CPED1: variants seen among roughly 807,000 people sequenced by gnomAD.
CPED1 encodes the protein cadherin-like and PC-esterase domain-containing protein 1.
A neutral mutation model predicts 128.2 loss-of-function variants in CPED1; 114 were observed. The ratio of observed to expected loss-of-function variants is 0.89; its 90% CI spans 0.76 to 1.04. The LOEUF is 1.04. CPED1 is among the 50% of genes least tolerant of loss of function. The pLI is 0.00. For synonymous variants in CPED1, 462 were observed against 426.7 expected, an observed-to-expected ratio of 1.08 and a Z score of -1.02; for missense variants, 1,211 against 1,207.1, an observed-to-expected ratio of 1.00 and a Z score of -0.05.
intron 16 of CPED1, among the ~76,000 whole-genome samples, chr7:121,189,488 G>A (rs1797078037): frequency 1.3e-5 from 2 of 151,536 alleles, no homozygotes; most frequent in Admixed American, 6.6e-5. Flanking sequence ...AACAGCAAGG[G>A]GGAAATCCAC....
intron 5 of CPED1, among the ~76,000 whole-genome samples, chr7:121,076,197 A>G (rs1275375024): frequency 6.6e-6 from 1 of 152,178 alleles, no homozygotes; most frequent in Non-Finnish European, 1.5e-5. Context: ...TGATTTCTCT[A>G]TGTATGCATT....
At chr7:121,149,934 A>G (rs553203040) in intron 16 of CPED1, among the ~76,000 whole-genome samples, 3 of 152,202 alleles carry the variant, frequency 2.0e-5, no homozygotes, top group Admixed American at 6.5e-5. Context: ...TCTTTTATCT[A>G]TCTTTCTTCA....
intron 3 of CPED1, among the ~76,000 whole-genome samples, chr7:121,025,638 T>C (rs1792558758): frequency 6.6e-6 from 1 of 152,176 alleles, no homozygotes; most frequent in African/African-American, 2.4e-5. Flanking sequence ...ACCTCCTGAA[T>C]GATGCCTTAA....
chr7:121,268,464 CAGA>C (rs1159763994), intron 21 of CPED1, among the ~76,000 whole-genome samples: 1 of 151,890 alleles, frequency 6.6e-6, no homozygotes, highest in Non-Finnish European at 1.5e-5. Context: ...TGAGTGAAGA[CAGA>C]AGGAGAAAAG....
intron 18 of CPED1, among the ~76,000 whole-genome samples, chr7:121,259,097 T>A (rs1562853968): frequency 6.6e-6 from 1 of 152,076 alleles, no homozygotes; most frequent in South Asian, 2.1e-4. Context: ...GTTGTTATTG[T>A]GACCTTTTAT....
At chr7:121,284,466 C>A (rs1792524399) in intron 22 of CPED1, among the ~76,000 whole-genome samples, 1 of 152,098 alleles carries the variant, frequency 6.6e-6, no homozygotes, top group African/African-American at 2.4e-5. Flanking sequence ...ACCCAAAAGT[C>A]AAAGTCTAAA....
intron 3 of CPED1, among the ~76,000 whole-genome samples, chr7:121,034,267 A>AGATG (rs1792825105): frequency 3.9e-5 from 1 of 25,746 alleles, no homozygotes; most frequent in African/African-American, 1.5e-4. Flanking sequence ...TTTTTTTTTG[A>AGATG]GATGGAGTCT....
At chr7:121,034,955 T>C (rs1792847828) in intron 3 of CPED1, among the ~76,000 whole-genome samples, 2 of 152,262 alleles carry the variant, frequency 1.3e-5, no homozygotes, top group South Asian at 2.1e-4. Context: ...CAATTCTGAA[T>C]GTGGGGATCT....
At position 121,087,667 on chromosome 7, in the gene CPED1, GT is replaced by G. The variant is rs1306777472; in HGVS notation, c.617-10019del. Among the ~76,000 whole-genome samples the G allele has an allele frequency of 8.2e-4, 114 of 139,120 alleles. 1 individual carries two copies. Among genetic ancestry groups the G allele is most frequent in the African/African-American group, 2.8e-3 (99 of 35,732 alleles). The allele number at this position is 139,120 out of a possible 152,430, so 91.3% of individuals were successfully genotyped here. ...ATTCTTTCTTTTTCTTTTCTTTCCT[GT>G]TTTTTTTTTTTTGGCAGAGTCTTTC... On this transcript the variant is annotated intron_variant, in intron 5 of 22. Transcript: ENST00000310396.
chr7:121,043,722 C>A (rs1192547150), intron 3 of CPED1, among the ~76,000 whole-genome samples: 1 of 152,114 alleles, frequency 6.6e-6, no homozygotes, highest in Non-Finnish European at 1.5e-5. Context: ...CCAGTCACTG[C>A]CTTGTAGGAT....
intron 18 of CPED1, among the ~76,000 whole-genome samples, chr7:121,248,481 C>T (rs1388996292): frequency 1.3e-5 from 2 of 151,918 alleles, no homozygotes; most frequent in Admixed American, 1.3e-4. Context: ...TACAGAGGAG[C>T]CCTGTGGCTG....
intron 2 of CPED1, among the ~76,000 whole-genome samples, chr7:120,990,620 G>T (rs1194581064): frequency 6.6e-6 from 1 of 151,956 alleles, no homozygotes; most frequent in Non-Finnish European, 1.5e-5. Context: ...ACATAGTCAA[G>T]TGTAAAACAG....
At chr7:121,021,573 A>T (rs903469170) in intron 3 of CPED1, among the ~76,000 whole-genome samples, 1 of 152,158 alleles carries the variant, frequency 6.6e-6, no homozygotes, top group Admixed American at 6.5e-5. Flanking sequence ...GACGAGCTTA[A>T]CCACAATAAT....
At chr7:121,042,550 C>G (rs933602791) in intron 3 of CPED1, among the ~76,000 whole-genome samples, 1 of 152,148 alleles carries the variant, frequency 6.6e-6, no homozygotes, top group Non-Finnish European at 1.5e-5. Context: ...TTCTTTGTTG[C>G]TTCCCTGTTT....
intron 18 of CPED1, among the ~76,000 whole-genome samples, chr7:121,265,557 A>C (rs1399267337): frequency 6.6e-6 from 1 of 152,102 alleles, no homozygotes; most frequent in African/African-American, 2.4e-5. Context: ...TTGCAGCAAT[A>C]TTGTGTGTAG....
chr7:121,173,055 G>GT (rs1349762134), intron 16 of CPED1, among the ~76,000 whole-genome samples: 1 of 152,100 alleles, frequency 6.6e-6, no homozygotes, highest in Non-Finnish European at 1.5e-5. Flanking sequence ...GACCATTTTT[G>GT]TTGGGCAGCT....
intron 16 of CPED1, among the ~76,000 whole-genome samples, chr7:121,222,865 A>G (rs546094948): frequency 1.4e-4 from 22 of 152,290 alleles, no homozygotes; most frequent in Middle Eastern, 3.4e-3. Flanking sequence ...GGCTGAGACA[A>G]TGGGGTTTTC....
chr7:121,011,132 G>A (rs10258025), intron 2 of CPED1, among the ~76,000 whole-genome samples: 3 of 151,842 alleles, frequency 2.0e-5, no homozygotes. Context: ...TACTATATGA[G>A]TTGTATTTGA....
intron 4 of CPED1, among the ~76,000 whole-genome samples, chr7:121,060,238 T>G (rs1793622368): frequency 6.6e-6 from 1 of 152,214 alleles, no homozygotes; most frequent in Non-Finnish European, 1.5e-5. Context: ...TGGGCTCCTG[T>G]GCGGCCGGAG....
Sources: allele counts gnomAD v4.1 joint callset (sites outside exome capture counted in the v4.1 genomes callset), GRCh38; gene constraint gnomAD v4.1.1; transcripts MANE v1.5; gene names NCBI Gene and HGNC (gene_info 2026-07-23, HGNC 2026-07-21).